Variants in CLSTN2 observed in about 807,000 individuals in gnomAD.
The protein encoded by CLSTN2 is calsyntenin-2.
Under a neutral mutation model 101.2 loss-of-function variants are expected in CLSTN2, and 48 were observed. The observed-to-expected ratio is 0.47, with a 90% CI of 0.38 to 0.60. The LOEUF is 0.60. CLSTN2 is among the 20% of genes least tolerant of loss of function. The pLI, the probability that CLSTN2 is intolerant of heterozygous loss-of-function variation, is 0.00. For synonymous variants in CLSTN2, 481 were observed against 463.6 expected (o/e 1.04, Z -0.48); for missense variants, 1,160 against 1,238.2 (o/e 0.94, Z 0.95).
intron 9 of CLSTN2, among the ~76,000 whole-genome samples, chr3:140,539,238 C>T (rs897813963): frequency 1.3e-5 from 2 of 152,050 alleles, no homozygotes; most frequent in Admixed American, 6.5e-5. Context: ...ATATCCTATT[C>T]TTGAGGCTAC....
chr3:140,222,868 T>G (rs2086286206), intron 2 of CLSTN2, among the ~76,000 whole-genome samples: 1 of 57,746 alleles, frequency 1.7e-5, no homozygotes, highest in Admixed American at 2.9e-4. Flanking sequence ...AAAATTAAAA[T>G]TTTAAGAAAA....
intron 2 of CLSTN2, among the ~76,000 whole-genome samples, chr3:140,286,315 G>A (rs914052030): frequency 2.6e-5 from 4 of 151,646 alleles, no homozygotes; most frequent in African/African-American, 4.9e-5. Flanking sequence ...GAGATCTGGG[G>A]AAACTCTTTG....
chr3:140,328,912 T>A (rs1191830389), intron 2 of CLSTN2, among the ~76,000 whole-genome samples: 1 of 152,188 alleles, frequency 6.6e-6, no homozygotes. Flanking sequence ...TTTCTAATGA[T>A]GTGAGTTATT....
intron 2 of CLSTN2, among the ~76,000 whole-genome samples, chr3:140,294,554 T>G (rs1280038749): frequency 2.0e-5 from 3 of 148,046 alleles, no homozygotes; most frequent in Non-Finnish European, 4.5e-5. Context: ...TTATATGGCC[T>G]CCCCAATGTC....
chr3:140,214,453 T>TA (rs10638926), intron 2 of CLSTN2, among the ~76,000 whole-genome samples: 47 of 150,258 alleles, frequency 3.1e-4, no homozygotes, highest in South Asian at 6.4e-4. Flanking sequence ...GACTCTGTCT[T>TA]AAAAAAAAAG....
intron 2 of CLSTN2, among the ~76,000 whole-genome samples, chr3:140,308,804 C>T (rs1329902566): frequency 6.6e-6 from 1 of 152,188 alleles, no homozygotes; most frequent in African/African-American, 2.4e-5. Flanking sequence ...TCTGAGAAAA[C>T]TGCCATTTGT....
rs745657199 is a variant in CLSTN2 at position 140,053,964 on chromosome 3, T to TC, written c.109+118481_109+118482insC. Reference sequence around the variant, plus strand: ...ATGTTTGCCAGTTGCCATCTCTGAGTTAGACTCGGGCCCAATACAAGAGGG... The same window carrying TC: ...ATGTTTGCCAGTTGCCATCTCTGAGTCTAGACTCGGGCCCAATACAAGAGGG... On this transcript the variant is annotated intron_variant, in intron 1 of 16. Coordinates refer to ENST00000458420, the MANE Select transcript of CLSTN2 (RefSeq NM_022131.3). 2.0e-5 allele frequency among the ~76,000 whole-genome samples: 3 copies of TC among 152,156 alleles called. No homozygotes were observed. The East Asian group carries it at 5.8e-4, about 29-fold the overall frequency.
At chr3:140,012,688 C>T (rs1462912507) in intron 1 of CLSTN2, among the ~76,000 whole-genome samples, 2 of 152,162 alleles carry the variant, frequency 1.3e-5, no homozygotes, top group African/African-American at 2.4e-5. Flanking sequence ...GGTTTTGCAG[C>T]CTCCACAGTG....
intron 10 of CLSTN2, among the ~76,000 whole-genome samples, chr3:140,552,132 C>A (rs1167021109): frequency 6.6e-6 from 1 of 152,102 alleles, no homozygotes; most frequent in African/African-American, 2.4e-5. Flanking sequence ...CCCTGATGGT[C>A]CAGCCTGCTG....
chr3:140,240,139 T>C (rs1338029349), intron 2 of CLSTN2, among the ~76,000 whole-genome samples: 2 of 9,668 alleles, frequency 2.1e-4, no homozygotes, highest in Admixed American at 2.3e-3. Flanking sequence ...CTGGTTTCTC[T>C]CTCTCTCTCT....
chr3:140,338,503 C>A (rs1576522067), intron 2 of CLSTN2, among the ~76,000 whole-genome samples: 1 of 152,096 alleles, frequency 6.6e-6, no homozygotes, highest in Non-Finnish European at 1.5e-5. Flanking sequence ...AAGAGTAATG[C>A]CATCTTTCCC....
intron 1 of CLSTN2, among the ~76,000 whole-genome samples, chr3:140,084,744 T>G (rs1192963368): frequency 3.5e-5 from 1 of 28,230 alleles, no homozygotes; most frequent in Non-Finnish European, 6.1e-5. Context: ...CAGGGAAGCC[T>G]AAAGGCATTC....
intron 13 of CLSTN2, 84 bp from the exon 14 acceptor site, chr3:140,562,727 G>A: frequency 6.9e-7 from 1 of 1,456,792 alleles, no homozygotes; most frequent in Non-Finnish European, 9.4e-7. Flanking sequence ...ATGAGGTCTT[G>A]TACCACAAGC....
At chr3:140,162,399 A>G (rs922568779) in intron 1 of CLSTN2, among the ~76,000 whole-genome samples, 1 of 152,160 alleles carries the variant, frequency 6.6e-6, no homozygotes, top group Non-Finnish European at 1.5e-5. Context: ...TTGGGAGGAC[A>G]AGGAGAGGGA....
intron 8 of CLSTN2, among the ~76,000 whole-genome samples, chr3:140,516,290 C>T (rs1322095242): frequency 1.3e-5 from 2 of 152,094 alleles, no homozygotes; most frequent in Admixed American, 1.3e-4. Flanking sequence ...TCCATTCTGC[C>T]ATTCTGTATT....
intron 5 of CLSTN2, among the ~76,000 whole-genome samples, chr3:140,445,354 C>T (rs1458319720): frequency 6.6e-6 from 1 of 152,152 alleles, no homozygotes; most frequent in Non-Finnish European, 1.5e-5. Flanking sequence ...GAAAGGGATG[C>T]CTGCAGCCTC....
intron 1 of CLSTN2, among the ~76,000 whole-genome samples, chr3:139,987,697 G>A (rs1473534109): frequency 6.6e-6 from 1 of 152,198 alleles, no homozygotes; most frequent in Non-Finnish European, 1.5e-5. Flanking sequence ...GTAGTAGGAG[G>A]TTGCCAGGTC....
chr3:140,127,123 A>G (rs1450616935), intron 1 of CLSTN2, among the ~76,000 whole-genome samples: 1 of 152,038 alleles, frequency 6.6e-6, no homozygotes, highest in African/African-American at 2.4e-5. Context: ...GTCTGGGAGA[A>G]ATGGATGATT....
chr3:140,561,582 T>C (rs1243852747), intron 12 of CLSTN2, among the ~76,000 whole-genome samples: 1 of 152,214 alleles, frequency 6.6e-6, no homozygotes, highest in Non-Finnish European at 1.5e-5. Flanking sequence ...GCAAGGTTTA[T>C]TAATAACAAT....
Sources: allele counts gnomAD v4.1 joint callset (sites outside exome capture counted in the v4.1 genomes callset), GRCh38; gene constraint gnomAD v4.1.1; transcripts MANE v1.5; gene names NCBI Gene and HGNC (gene_info 2026-07-23, HGNC 2026-07-21).